Variants in RSPH1 observed in about 807,000 individuals in gnomAD.
RSPH1 encodes radial spoke head component 1, also known as radial spoke head 1 homolog.
RSPH1 carries 32 observed loss-of-function variants against 44.2 expected under a neutral mutation model. That is an observed-to-expected ratio of 0.72 (90% confidence interval 0.55 to 0.97). RSPH1 has a LOEUF of 0.97. Ranked by LOEUF, RSPH1 falls within the 50% of genes least tolerant of loss-of-function variation. RSPH1 has a pLI of 0.00. For synonymous variants in RSPH1, 134 were observed against 147.3 expected (o/e 0.91, Z 0.65); for missense variants, 391 against 398.7 (o/e 0.98, Z 0.16).
rs1273099396 is a variant in RSPH1 at position 42,474,921 on chromosome 21, T to A, written c.877+977A>T. Among the ~76,000 whole-genome samples, 7 of 152,262 alleles carry A rather than the reference T, an allele frequency of 4.6e-5. No individual in the cohort carries two copies. The highest frequency in any genetic ancestry group is 1.7e-4 in the African/African-American group (7 of 41,472). On this transcript the variant is annotated intron_variant, in intron 8 of 8. Coordinates refer to ENST00000291536, the MANE Select transcript of RSPH1 (RefSeq NM_080860.4). This position sits in a 1 kb window ranked among gnomAD's most constrained non-coding sequence, Gnocchi z 5.2. ...ATTTTCAAAGGAATGGGAAGTATAT[T>A]CTTAATTTACAACAGAGACAAACTA...
chr21:42,481,952 T>G (rs994991709), intron 6 of RSPH1, among the ~76,000 whole-genome samples: 3 of 152,214 alleles, frequency 2.0e-5, no homozygotes, highest in Non-Finnish European at 4.4e-5. Flanking sequence ...CAGAGGAGCA[T>G]GCTGCACAAC....
At chr21:42,491,158 G>A (rs1391160534) in intron 3 of RSPH1, among the ~76,000 whole-genome samples, 2 of 152,136 alleles carry the variant, frequency 1.3e-5, no homozygotes, top group African/African-American at 2.4e-5. Context: ...GGGTGTTGTA[G>A]GAACCCCCAA....
At chr21:42,490,795 G>A (rs958462760) in intron 3 of RSPH1, among the ~76,000 whole-genome samples, 52 of 152,296 alleles carry the variant, frequency 3.4e-4, no homozygotes, top group African/African-American at 1.2e-3. Context: ...ATGGCCTCAA[G>A]ATGGGACTGA....
At position 42,472,567 on chromosome 21, in the gene RSPH1, A is replaced by G. The variant is rs79385950; in HGVS notation, c.*251T>C. 3.2e-3 allele frequency: 1,066 copies of G among 329,812 alleles called. 11 individuals are homozygous for G. The highest frequency in any genetic ancestry group is 0.021 in the African/African-American group (977 of 46,650). The allele number at this position is 329,812 out of a possible 1,614,324, so 20.4% of individuals were successfully genotyped here. On this transcript the variant is annotated 3_prime_UTR_variant, in exon 9 of 9. Coordinates refer to ENST00000291536, the MANE Select transcript of RSPH1 (RefSeq NM_080860.4). ...TACAGCTGAGAAAGAAAGACTAAAA[A>G]CCCTCTAATAAAGATTGTTAACTGA...
chr21:42,492,453 G>A (rs553398969), intron 3 of RSPH1, among the ~76,000 whole-genome samples: 9 of 152,356 alleles, frequency 5.9e-5, no homozygotes, highest in East Asian at 1.9e-4. Context: ...AGCTGAAGCC[G>A]TGGGTCCACC....
intron 6 of RSPH1, among the ~76,000 whole-genome samples, chr21:42,481,450 T>C (rs928562302): frequency 1.3e-5 from 2 of 152,168 alleles, no homozygotes; most frequent in Non-Finnish European, 2.9e-5. Context: ...TAACCCAGGT[T>C]GAAAGGGCAT....
intron 1 of RSPH1, 74 bp from the exon 2 acceptor site, chr21:42,493,153 TATC>T: frequency 2.5e-6 from 3 of 1,219,934 alleles, no homozygotes; most frequent in South Asian, 2.5e-5. Context: ...ATTTTGTAAA[TATC>T]ATACCCTTGA....
At chr21:42,495,005 T>G (rs922444070) in intron 1 of RSPH1, among the ~76,000 whole-genome samples, 2 of 152,178 alleles carry the variant, frequency 1.3e-5, no homozygotes, top group African/African-American at 4.8e-5. Flanking sequence ...TGGCCTGATT[T>G]TTTTAAGTGC....
Position 42,492,769 on chromosome 21 carries a change from G to T in RSPH1, c.263C>A (p.Ser88Tyr). Residue 88 changes from serine (S) to tyrosine (Y), a missense_variant, in exon 3 of 9, where the codon TCC (serine) becomes TAC (tyrosine). Ser to Tyr is a moderately radical substitution (Grantham distance 144). Transcript: ENST00000291536. ...TGATAACATTTTACCTTCATATCTGGATCCATCTGGATATATAAAAGTGCC... is the reference window on the plus strand; with the variant it reads ...TGATAACATTTTACCTTCATATCTGTATCCATCTGGATATATAAAAGTGCC... ...GQGTFIYPDG[S>Y]RYEGEWANDL... The T allele has an allele frequency of 6.3e-7, 1 of 1,589,390 alleles. No individual in the cohort carries two copies.
intron 3 of RSPH1, among the ~76,000 whole-genome samples, chr21:42,487,719 A>G (rs1047441733): frequency 6.6e-6 from 1 of 152,244 alleles, no homozygotes; most frequent in Non-Finnish European, 1.5e-5. Flanking sequence ...TCTGGCTTAC[A>G]CAAAAACTGG....
chr21:42,488,709 G>T (rs1308370928), intron 3 of RSPH1, among the ~76,000 whole-genome samples: 1 of 152,096 alleles, frequency 6.6e-6, no homozygotes, highest in Non-Finnish European at 1.5e-5. Context: ...CTGTTAAGAG[G>T]CTCGGCCCAG....
intron 6 of RSPH1, among the ~76,000 whole-genome samples, chr21:42,482,240 T>C (rs1386572642): frequency 6.6e-6 from 1 of 152,126 alleles, no homozygotes; most frequent in Non-Finnish European, 1.5e-5. Flanking sequence ...TGCGCCACCA[T>C]GCCCAGCTAA....
chr21:42,482,835 G>A, intron 5 of RSPH1, 127 bp from the exon 6 acceptor site: 1 of 618,392 alleles, frequency 1.6e-6, no homozygotes, highest in Non-Finnish European at 2.8e-6. Context: ...ATTAAGGAAT[G>A]CTTTTGTGAA....
chr21:42,486,094 C>T lies in RSPH1; in HGVS notation c.365+277G>A, dbSNP rs2054177893. 4 of 573,328 alleles carry T rather than the reference C, an allele frequency of 7.0e-6. No individual in the cohort carries two copies. The South Asian group carries it at 8.3e-5, about 12-fold the overall frequency. The allele number at this position is 573,328 out of a possible 1,614,324, so 35.5% of individuals were successfully genotyped here. ...GCTAGTGGGAGCTGTGGCTCAGGTC[C>T]CCCAGTGGCTCTTCTGTGCCCTCCA... is the stretch of plus-strand genomic sequence containing the variant. On this transcript the variant is annotated intron_variant, in intron 4 of 8. Transcript: ENST00000291536.
chr21:42,479,012 C>G (rs2054099261), intron 6 of RSPH1, among the ~76,000 whole-genome samples: 2 of 152,180 alleles, frequency 1.3e-5, no homozygotes, highest in Admixed American at 1.3e-4. Context: ...GAGTTTCTGT[C>G]TGGGATAACG....
Position 42,475,916 on chromosome 21 carries a change from G to A in RSPH1, c.859C>T (p.Arg287Cys), listed in dbSNP as rs143552625. ...ACCTCACCCTCATCCATGTCATAGCGGAACTCCTCCTGGTCATACTCCCGG... is the reference window on the plus strand; with the variant it reads ...ACCTCACCCTCATCCATGTCATAGCAGAACTCCTCCTGGTCATACTCCCGG... ...ESREYDQEEF[R>C]YDMDEGNINS... Residue 287 changes from arginine (R) to cysteine (C), a missense_variant, in exon 8 of 9, where the codon CGC becomes TGC. By Grantham distance (180) the Arg-to-Cys change is radical (BLOSUM62 -3). Transcript: ENST00000291536. 7.1e-4 allele frequency: 1,141 copies of A among 1,611,144 alleles called. 1 individual carries two copies. Among genetic ancestry groups the A allele is most frequent in the Non-Finnish European group, 9.2e-4 (1,090 of 1,179,476 alleles).
intron 6 of RSPH1, among the ~76,000 whole-genome samples, chr21:42,481,807 C>A (rs747304001): frequency 1.3e-5 from 2 of 152,160 alleles, no homozygotes; most frequent in Admixed American, 6.5e-5. Context: ...AACACACATA[C>A]GCATCTCGAT....
Position 42,479,072 on chromosome 21 carries a change from A to T in RSPH1, c.574-1628T>A, listed in dbSNP as rs531334316. 5.1e-4 allele frequency among the ~76,000 whole-genome samples: 77 copies of T among 152,352 alleles called. 1 individual carries two copies. The highest frequency in any genetic ancestry group is 1.8e-3 in the African/African-American group (73 of 41,582). ...CTCACAGCTGCACAACACTGAACGT[A>T]CTGAATGCCACTGAAAGCATGCTTT... On this transcript the variant is annotated intron_variant, in intron 6 of 8. Coordinates refer to ENST00000291536, the MANE Select transcript of RSPH1 (RefSeq NM_080860.4).
rs112548421 is a variant in RSPH1 at position 42,489,433 on chromosome 21, G to A, written c.275-2972C>T. 6.7e-3 allele frequency among the ~76,000 whole-genome samples: 1,022 copies of A among 152,338 alleles called. 6 individuals are homozygous for A. Among genetic ancestry groups the A allele is most frequent in the Non-Finnish European group, 8.7e-3 (590 of 68,022 alleles). ...GCTGGTTGTGGGTCAGTTGGCTGGT[G>A]TGGAGCAGGTGCTCCTTGGGTAGAG... On this transcript the variant is annotated intron_variant, in intron 3 of 8. Coordinates refer to ENST00000291536, the MANE Select transcript of RSPH1 (RefSeq NM_080860.4).
Sources: allele counts gnomAD v4.1 joint callset (sites outside exome capture counted in the v4.1 genomes callset), GRCh38; gene constraint gnomAD v4.1.1; non-coding constraint Gnocchi (gnomAD v3.1); transcripts MANE v1.5; gene names NCBI Gene and HGNC (gene_info 2026-07-23, HGNC 2026-07-21).